Variants in RANBP9 observed in about 807,000 individuals in gnomAD.
RANBP9 encodes ran-binding protein 9.
In RANBP9, 15 loss-of-function variants were observed where a neutral mutation model predicts 84.3. The ratio of observed to expected loss-of-function variants is 0.18; its 90% CI spans 0.12 to 0.27. The LOEUF (loss-of-function observed/expected upper bound fraction) is 0.27, where lower values mean the gene tolerates loss of function less well. Ranked by LOEUF, RANBP9 falls within the 10% of genes least tolerant of loss-of-function variation. RANBP9 has a pLI of 1.00. For missense variants in RANBP9, 809 were observed against 912.8 expected (o/e 0.89, Z 1.46); for synonymous variants, 392 against 349.6 (o/e 1.12, Z -1.35).
intron 10 of RANBP9, among the ~76,000 whole-genome samples, chr6:13,636,258 A>G (rs1433743779): frequency 2.0e-5 from 3 of 152,208 alleles, no homozygotes; most frequent in Non-Finnish European, 4.4e-5. Flanking sequence ...CCTTAAGAAA[A>G]AAAAGTCATT....
At chr6:13,661,290 C>T (rs189053433) in intron 2 of RANBP9, among the ~76,000 whole-genome samples, 295 of 152,086 alleles carry the variant, frequency 1.9e-3, no homozygotes, top group Non-Finnish European at 2.4e-3. Context: ...AGCAAGAACC[C>T]GGAAACTCTA....
intron 12 of RANBP9, among the ~76,000 whole-genome samples, chr6:13,630,501 A>G (rs2127760683): frequency 6.7e-6 from 1 of 148,266 alleles, no homozygotes; most frequent in African/African-American, 2.5e-5. Context: ...TAGTGTAAAA[A>G]AAGTCTTAAG....
At chr6:13,643,447 CAGG>C (rs1352062324) in intron 6 of RANBP9, among the ~76,000 whole-genome samples, 1 of 152,120 alleles carries the variant, frequency 6.6e-6, no homozygotes, top group African/African-American at 2.4e-5. Flanking sequence ...TGGTTCACCA[CAGG>C]AGGAGACTGA....
chr6:13,630,558 AAACAACAGT>A (rs1189421953), intron 12 of RANBP9, among the ~76,000 whole-genome samples: 1 of 152,196 alleles, frequency 6.6e-6, no homozygotes, highest in Non-Finnish European at 1.5e-5. Flanking sequence ...ATATGCCCTA[AAACAACAGT>A]ACTCAAAGTA....
intron 1 of RANBP9, among the ~76,000 whole-genome samples, chr6:13,702,777 C>A (rs1205017015): frequency 6.6e-6 from 1 of 151,786 alleles, no homozygotes; most frequent in Non-Finnish European, 1.5e-5. Flanking sequence ...TGCCTCATCT[C>A]TTCCTTCATC....
chr6:13,705,406 C>CAA (rs774239782), intron 1 of RANBP9, among the ~76,000 whole-genome samples: 1,337 of 26,748 alleles, frequency 0.05, 276 homozygotes, highest in Middle Eastern at 0.062. Context: ...GATTCTGTCT[C>CAA]AAAAAAAAAA....
chr6:13,663,782 A>G (rs1035989972), intron 2 of RANBP9, among the ~76,000 whole-genome samples: 1 of 152,160 alleles, frequency 6.6e-6, no homozygotes, highest in Non-Finnish European at 1.5e-5. Flanking sequence ...GTATTTTTCT[A>G]TACTAGGGGA....
chr6:13,661,129 G>A (rs997040368), intron 2 of RANBP9, among the ~76,000 whole-genome samples: 4 of 152,062 alleles, frequency 2.6e-5, no homozygotes, highest in African/African-American at 9.7e-5. Flanking sequence ...AGAATATACT[G>A]ATATCCCCTG....
At chr6:13,710,819 C>T in intron 1 of RANBP9, 116 bp downstream of exon 1, 1 of 1,155,592 alleles carries the variant, frequency 8.7e-7, no homozygotes, top group Non-Finnish European at 1.2e-6. Context: ...CGGCGAGTGG[C>T]CTCCGAGGGC....
chr6:13,708,828 C>A (rs562183764), intron 1 of RANBP9, among the ~76,000 whole-genome samples: 3 of 151,684 alleles, frequency 2.0e-5, no homozygotes, highest in Admixed American at 2.0e-4. Flanking sequence ...CTCACACACA[C>A]ACACACACAC....
At chr6:13,633,941 T>A (rs1297258832) in intron 11 of RANBP9, among the ~76,000 whole-genome samples, 2 of 17,670 alleles carry the variant, frequency 1.1e-4, no homozygotes, top group African/African-American at 5.2e-4. Flanking sequence ...TTTTTGTTGG[T>A]GGTGGGGTTT....
chr6:13,632,310 C>G, intron 12 of RANBP9, 60 bp downstream of exon 12: 1 of 1,547,558 alleles, frequency 6.5e-7, no homozygotes, highest in East Asian at 2.3e-5. Flanking sequence ...CAGTGTTTCA[C>G]AAAACTACAT....
At chr6:13,647,199 G>C (rs1387918639) in intron 5 of RANBP9, among the ~76,000 whole-genome samples, 5 of 152,118 alleles carry the variant, frequency 3.3e-5, no homozygotes, top group Non-Finnish European at 7.4e-5. Context: ...GATATGTCTT[G>C]TAGCATTATT....
intron 2 of RANBP9, among the ~76,000 whole-genome samples, chr6:13,694,523 A>G (rs1044684679): frequency 6.6e-6 from 1 of 152,218 alleles, no homozygotes; most frequent in Non-Finnish European, 1.5e-5. Flanking sequence ...ACAAAAGAGT[A>G]TGGCAGAATT....
At chr6:13,650,901 T>G (rs1477868242) in intron 5 of RANBP9, among the ~76,000 whole-genome samples, 1 of 151,926 alleles carries the variant, frequency 6.6e-6, no homozygotes, top group Non-Finnish European at 1.5e-5. Context: ...GAAGCAGAGG[T>G]TGCAGTGAGC....
intron 7 of RANBP9, among the ~76,000 whole-genome samples, 181 bp downstream of exon 7, chr6:13,642,298 G>C (rs1026553694): frequency 3.3e-5 from 5 of 151,924 alleles, no homozygotes; most frequent in African/African-American, 1.2e-4. Flanking sequence ...TTCTGACATA[G>C]TCCTATGTGA....
intron 2 of RANBP9, among the ~76,000 whole-genome samples, chr6:13,681,973 C>T (rs539934251): frequency 4.1e-4 from 62 of 152,238 alleles, no homozygotes; most frequent in African/African-American, 1.4e-3. Context: ...ATTCTCCTGC[C>T]TCAGCCTCCT....
Position 13,632,453 on chromosome 6 carries a change from G to A in RANBP9, c.1864C>T (p.His622Tyr). Residue 622 changes from histidine (H) to tyrosine (Y), a missense_variant, in exon 12 of 14, where the codon CAC becomes TAC. Physicochemically the swap from His to Tyr is moderately conservative, Grantham distance 83 (BLOSUM62 2). Coordinates refer to ENST00000011619, the MANE Select transcript of RANBP9 (RefSeq NM_005493.3). ...ATTGCTTGCAGCTCTCGTCCAAAGT[G>A]GATCATTCTTTCTATGGCGGCCTGA... is the stretch of plus-strand genomic sequence containing the variant. ...GSQAAIERMI[H>Y]FGRELQAMSE... 1.2e-6 allele frequency: 2 copies of A among 1,613,826 alleles called. No individual in the cohort carries two copies. Among genetic ancestry groups the A allele is most frequent in the Non-Finnish European group, 1.7e-6 (2 of 1,179,864 alleles).
intron 1 of RANBP9, 111 bp from the exon 2 acceptor site, chr6:13,697,007 C>T: frequency 1.2e-6 from 1 of 828,128 alleles, no homozygotes; most frequent in Non-Finnish European, 1.9e-6. Context: ...ATTATTTCTG[C>T]TCCTATCAGT....
Sources: allele counts gnomAD v4.1 joint callset (sites outside exome capture counted in the v4.1 genomes callset), GRCh38; gene constraint gnomAD v4.1.1; transcripts MANE v1.5; gene names NCBI Gene and HGNC (gene_info 2026-07-23, HGNC 2026-07-21).